The following ARHGAP39 variants were observed in gnomAD, a reference collection of about 807,000 sequenced individuals.
ARHGAP39 encodes rho GTPase-activating protein 39.
In ARHGAP39, 44 loss-of-function variants were observed where a neutral mutation model predicts 106.9. The ratio of observed to expected loss-of-function variants is 0.41; its 90% CI spans 0.32 to 0.53. The LOEUF is 0.53. ARHGAP39 is among the 20% of genes least tolerant of loss of function. The probability of loss-of-function intolerance (pLI) is 0.21; values close to 1 mark genes in which losing one functional copy is unlikely to be tolerated. For synonymous variants in ARHGAP39, 768 were observed against 693.2 expected (o/e 1.11, Z -1.69); for missense variants, 1,496 against 1,577.3 (o/e 0.95, Z 0.87).
intron 2 of ARHGAP39, among the ~76,000 whole-genome samples, chr8:144,603,467 G>A (rs1323872825): frequency 6.6e-6 from 1 of 152,112 alleles, no homozygotes; most frequent in Non-Finnish European, 1.5e-5. Flanking sequence ...GAGGCGGGCA[G>A]ATCACGAGGT....
At chr8:144,576,697 C>G (rs1162262679) in intron 3 of ARHGAP39, among the ~76,000 whole-genome samples, 2 of 152,334 alleles carry the variant, frequency 1.3e-5, no homozygotes, top group South Asian at 4.1e-4. Context: ...TGCGCAGGCC[C>G]GAAGCCGTCC....
At chr8:144,583,716 T>C (rs1819085435) in intron 2 of ARHGAP39, among the ~76,000 whole-genome samples, 1 of 152,196 alleles carries the variant, frequency 6.6e-6, no homozygotes, top group South Asian at 2.1e-4. Flanking sequence ...GGTGCTGTTG[T>C]GGGGGTGGCA....
intron 1 of ARHGAP39, among the ~76,000 whole-genome samples, chr8:144,649,084 A>G (rs975115028): frequency 3.9e-5 from 6 of 152,212 alleles, no homozygotes; most frequent in African/African-American, 1.4e-4. Context: ...GGAAAAATTA[A>G]TAAGATAGAT....
intron 1 of ARHGAP39, among the ~76,000 whole-genome samples, chr8:144,652,007 A>AT (rs1391310615): frequency 6.6e-6 from 1 of 152,220 alleles, no homozygotes; most frequent in Non-Finnish European, 1.5e-5. Flanking sequence ...TAGACACAGG[A>AT]ATAGGAAAAG....
chr8:144,576,669 C>A (rs1385053779), intron 3 of ARHGAP39, among the ~76,000 whole-genome samples: 2 of 152,188 alleles, frequency 1.3e-5, no homozygotes, highest in East Asian at 3.8e-4. Context: ...AATCCAATAC[C>A]AATTCTCTGA....
At position 144,596,345 on chromosome 8, in the gene ARHGAP39, C is replaced by T. The variant is rs186694078; in HGVS notation, c.80+9190G>A. Among the ~76,000 whole-genome samples, 264 of 152,134 alleles carry T rather than the reference C, an allele frequency of 1.7e-3. 1 individual carries two copies. Among genetic ancestry groups the T allele is most frequent in the African/African-American group, 6.1e-3 (252 of 41,508 alleles). Reference sequence around the variant, plus strand: ...GACAGCTGAGGCCTTGCCACCCCGGCGCTGTCCACCACCCCTCAGTGGGCA... The same window carrying T: ...GACAGCTGAGGCCTTGCCACCCCGGTGCTGTCCACCACCCCTCAGTGGGCA... On this transcript the variant is annotated intron_variant, in intron 2 of 11. Transcript: ENST00000377307.
intron 6 of ARHGAP39, among the ~76,000 whole-genome samples, chr8:144,540,343 G>A (rs1681972838): frequency 6.6e-6 from 1 of 152,188 alleles, no homozygotes; most frequent in Non-Finnish European, 1.5e-5. Flanking sequence ...AGGCTACAGT[G>A]AGCTATCACA....
intron 2 of ARHGAP39, among the ~76,000 whole-genome samples, chr8:144,601,702 GGTGT>G (rs551174454): frequency 3.8e-4 from 53 of 138,118 alleles, no homozygotes; most frequent in Non-Finnish European, 1.4e-4. Flanking sequence ...GCATGTGTGT[GGTGT>G]GTGTGTGAGC....
In ARHGAP39 at chr8:144,636,229, G is replaced by A. The variant is rs116366697; in HGVS notation, c.-81-30534C>T. 2.3e-3 allele frequency among the ~76,000 whole-genome samples: 354 copies of A among 152,314 alleles called. 2 individuals carry two copies. The highest frequency in any genetic ancestry group is 8.3e-3 in the African/African-American group (345 of 41,558). The stretch of plus-strand genomic sequence containing the variant: ...GGAGAAACCCTTCTTGGTGACCACA[G>A]GTAGATAATTCTTCTGTGTTGATTC... On this transcript the variant is annotated intron_variant, in intron 1 of 11. Coordinates refer to ENST00000377307, the MANE Select transcript of ARHGAP39 (RefSeq NM_025251.3).
chr8:144,619,868 G>A (rs1266872606), intron 1 of ARHGAP39, among the ~76,000 whole-genome samples: 3 of 148,718 alleles, frequency 2.0e-5, no homozygotes, highest in South Asian at 2.2e-4. Flanking sequence ...CCGAGAGAGC[G>A]TGAGCCCGTG....
At chr8:144,560,964 A>G (rs1396326770) in intron 3 of ARHGAP39, among the ~76,000 whole-genome samples, 3 of 152,258 alleles carry the variant, frequency 2.0e-5, no homozygotes, top group African/African-American at 7.2e-5. Context: ...AAGCAAGGAA[A>G]ACTGTTCACT....
chr8:144,668,720 T>C (rs1270687553), intron 1 of ARHGAP39, among the ~76,000 whole-genome samples: 2 of 152,138 alleles, frequency 1.3e-5, no homozygotes, highest in South Asian at 4.1e-4. Context: ...ATTAGTAAGA[T>C]GGCAGAACAC....
intron 4 of ARHGAP39, among the ~76,000 whole-genome samples, chr8:144,551,684 C>A (rs1324207829): frequency 6.6e-6 from 1 of 151,876 alleles, no homozygotes. Flanking sequence ...ATTCCCCCAA[C>A]CCCATCACCT....
At chr8:144,549,641 C>T (rs112742752) in intron 4 of ARHGAP39, among the ~76,000 whole-genome samples, 8 of 152,194 alleles carry the variant, frequency 5.3e-5, no homozygotes, top group Non-Finnish European at 7.4e-5. Flanking sequence ...TACAGGCACA[C>T]GCCACCAGGC....
At position 144,585,527 on chromosome 8, in the gene ARHGAP39, C is replaced by G. The variant is rs1819149282; in HGVS notation, c.81-4250G>C. On this transcript the variant is annotated intron_variant, in intron 2 of 11. Coordinates refer to ENST00000377307, the MANE Select transcript of ARHGAP39 (RefSeq NM_025251.3). The surrounding 1 kb of genome is among the most constrained non-coding windows in gnomAD (Gnocchi z 4.6). ...TGCCCTTAGCTCCAGGGCAACTCTC[C>G]CTGGAGACAACCCTTGGCCTCAGCC... Among the ~76,000 whole-genome samples the G allele has an allele frequency of 1.3e-5, 2 of 152,056 alleles. No individual in the cohort carries two copies. The highest frequency in any genetic ancestry group is 4.8e-5 in the African/African-American group (2 of 41,396).
At chr8:144,658,024 C>T (rs1821738869) in intron 1 of ARHGAP39, among the ~76,000 whole-genome samples, 1 of 152,140 alleles carries the variant, frequency 6.6e-6, no homozygotes, top group South Asian at 2.1e-4. Context: ...ATTAACACTG[C>T]ACTGGATATT....
chr8:144,552,717 T>C (rs3757964), intron 4 of ARHGAP39, among the ~76,000 whole-genome samples: 53,948 of 151,958 alleles, frequency 0.36, 9,846 homozygotes, highest in Middle Eastern at 0.46. Context: ...CCAGAAGCAA[T>C]GTGCTTTGGC....
intron 2 of ARHGAP39, among the ~76,000 whole-genome samples, chr8:144,603,082 GGT>G (rs1298956949): frequency 7.4e-5 from 10 of 134,756 alleles, no homozygotes; most frequent in Non-Finnish European, 1.6e-4. Flanking sequence ...CGTGCGTGGA[GGT>G]GTGTGCGCGA....
At chr8:144,639,740 G>A (rs914988291) in intron 1 of ARHGAP39, among the ~76,000 whole-genome samples, 5 of 152,074 alleles carry the variant, frequency 3.3e-5, no homozygotes, top group Non-Finnish European at 5.9e-5. Context: ...AGCAGAGCAC[G>A]TGCTGCGTGG....
Sources: gnomAD v4.1 joint callset for allele counts (sites outside exome capture counted in the v4.1 genomes callset) on GRCh38, gnomAD v4.1.1 for gene constraint, Gnocchi (gnomAD v3.1) non-coding constraint, MANE v1.5 for transcripts, NCBI Gene and HGNC (gene_info 2026-07-23, HGNC 2026-07-21) for gene names.